The following WWOX variants were observed in gnomAD, a reference collection of about 807,000 sequenced individuals.
WWOX encodes WW domain containing oxidoreductase.
Under a neutral mutation model 46.2 loss-of-function variants are expected in WWOX, and 69 were observed. The ratio of observed to expected loss-of-function variants is 1.49; its 90% confidence interval spans 1.23 to 1.82. The LOEUF (loss-of-function observed/expected upper bound fraction) is 1.82, where lower values mean the gene tolerates loss of function less well. Ranked by LOEUF, WWOX falls within the 40% of genes most tolerant of loss-of-function variation. The probability of loss-of-function intolerance (pLI) is 0.00; values close to 1 mark genes in which losing one functional copy is unlikely to be tolerated. For missense variants in WWOX, 919 were observed against 542.6 expected, an observed-to-expected ratio of 1.69 and a Z score of -6.89; for synonymous variants, 359 against 202.6, an observed-to-expected ratio of 1.77 and a Z score of -6.56.
At chr16:78,781,502 T>C (rs926975411) in intron 8 of WWOX, among the ~76,000 whole-genome samples, 10 of 152,362 alleles carry the variant, frequency 6.6e-5, no homozygotes, top group African/African-American at 1.9e-4. Flanking sequence ...TTACTAGGTA[T>C]AGACATTATG....
At chr16:79,071,766 G>A (rs2048555860) in intron 8 of WWOX, among the ~76,000 whole-genome samples, 1 of 152,228 alleles carries the variant, frequency 6.6e-6, no homozygotes, top group African/African-American at 2.4e-5. Context: ...GCCTAAAAAT[G>A]AGTGGCTCTG....
At chr16:78,796,858 C>A (rs1050828258) in intron 8 of WWOX, among the ~76,000 whole-genome samples, 13 of 148,368 alleles carry the variant, frequency 8.8e-5, no homozygotes, top group African/African-American at 3.0e-4. Context: ...CATAGTCTCA[C>A]TCTGTCACCT....
chr16:78,762,222 A>C (rs376511704), intron 8 of WWOX, among the ~76,000 whole-genome samples: 2 of 152,310 alleles, frequency 1.3e-5, no homozygotes, highest in Non-Finnish European at 2.9e-5. Context: ...CCAAGAGCAT[A>C]CAGCAGCTGT....
intron 8 of WWOX, among the ~76,000 whole-genome samples, chr16:78,965,414 C>CA (rs2046346386): frequency 6.6e-6 from 1 of 151,860 alleles, no homozygotes; most frequent in African/African-American, 2.4e-5. Context: ...ACTGTAAATA[C>CA]AAAAAATTAG....
intron 8 of WWOX, among the ~76,000 whole-genome samples, chr16:78,654,911 A>G (rs2047047783): frequency 1.3e-5 from 2 of 152,102 alleles, no homozygotes; most frequent in South Asian, 2.1e-4. Flanking sequence ...ATGTGTGTGC[A>G]TGAGTATCTT....
intron 8 of WWOX, among the ~76,000 whole-genome samples, chr16:78,832,750 C>G (rs1304170007): frequency 6.6e-6 from 1 of 152,128 alleles, no homozygotes. Flanking sequence ...GTGGAGCATA[C>G]AGGCCAGCAG....
At chr16:79,033,498 C>T (rs556897717) in intron 8 of WWOX, among the ~76,000 whole-genome samples, 8 of 152,102 alleles carry the variant, frequency 5.3e-5, no homozygotes, top group African/African-American at 9.6e-5. Context: ...ACAGCAAAAT[C>T]GAGTGGAAGG....
intron 8 of WWOX, among the ~76,000 whole-genome samples, chr16:78,615,085 C>G (rs749649436): frequency 2.6e-5 from 4 of 152,056 alleles, no homozygotes; most frequent in Non-Finnish European, 4.4e-5. Flanking sequence ...TGGGGACACT[C>G]TAGTGAAATT....
intron 8 of WWOX, among the ~76,000 whole-genome samples, chr16:78,854,951 T>A (rs893952168): frequency 7.2e-5 from 11 of 152,060 alleles, no homozygotes; most frequent in African/African-American, 2.7e-4. Context: ...GGTTATGTGT[T>A]TTATTTTCTT....
At chr16:78,753,063 G>A (rs1239970260) in intron 8 of WWOX, among the ~76,000 whole-genome samples, 1 of 152,202 alleles carries the variant, frequency 6.6e-6, no homozygotes, top group Non-Finnish European at 1.5e-5. Flanking sequence ...GGGAGGCCGA[G>A]GCGGGTGGAT....
intron 8 of WWOX, among the ~76,000 whole-genome samples, chr16:79,067,971 G>GA (rs1567527425): frequency 6.6e-6 from 1 of 152,140 alleles, no homozygotes; most frequent in African/African-American, 2.4e-5. Context: ...TTAGTTTTGA[G>GA]AAAAAAGCCT....
chr16:78,400,972 A>G (rs1482872361), intron 6 of WWOX, among the ~76,000 whole-genome samples: 1 of 152,136 alleles, frequency 6.6e-6, no homozygotes, highest in African/African-American at 2.4e-5. Context: ...ACATGCCTGC[A>G]CCATCATGCC....
In WWOX at chr16:78,481,431, G is replaced by C. The variant is rs184659994; in HGVS notation, c.1056+48679G>C. ...CTGAAATAAAAGGTTTCATAAATGGGGAAAAAAGTCATTGATTGAAAGAGT... is the reference window on the plus strand; with the variant it reads ...CTGAAATAAAAGGTTTCATAAATGGCGAAAAAAGTCATTGATTGAAAGAGT... On this transcript the variant is annotated intron_variant, in intron 8 of 8. Transcript: ENST00000566780. 5.3e-5 allele frequency among the ~76,000 whole-genome samples: 8 copies of C among 152,118 alleles called. No individual in the cohort carries two copies. In the East Asian group the frequency reaches 1.4e-3, roughly 26 times the overall value.
At chr16:78,818,139 G>C (rs2051390837) in intron 8 of WWOX, among the ~76,000 whole-genome samples, 1 of 152,174 alleles carries the variant, frequency 6.6e-6, no homozygotes, top group African/African-American at 2.4e-5. Context: ...CTCGTGATTG[G>C]GTGGGCTGCC....
intron 8 of WWOX, among the ~76,000 whole-genome samples, chr16:78,703,660 AAAAG>A (rs1462828434): frequency 6.6e-6 from 1 of 151,934 alleles, no homozygotes; most frequent in Non-Finnish European, 1.5e-5. Flanking sequence ...TTTTTTTGGA[AAAAG>A]AAAGAATCAC....
chr16:78,136,145 A>C (rs2033782752), intron 4 of WWOX, among the ~76,000 whole-genome samples: 1 of 152,192 alleles, frequency 6.6e-6, no homozygotes, highest in Non-Finnish European at 1.5e-5. Flanking sequence ...CCTTGGCTGA[A>C]ATTCACAATG....
chr16:78,789,669 A>T (rs756825110), intron 8 of WWOX, among the ~76,000 whole-genome samples: 4 of 152,202 alleles, frequency 2.6e-5, no homozygotes, highest in African/African-American at 4.8e-5. Context: ...GATCAATATA[A>T]TTTAAATTTT....
intron 1 of WWOX, among the ~76,000 whole-genome samples, chr16:78,102,396 C>T (rs1384540008): frequency 6.6e-6 from 1 of 152,190 alleles, no homozygotes; most frequent in Admixed American, 6.5e-5. Context: ...TGTGCCTTGC[C>T]GAGAAGCTTG....
intron 8 of WWOX, among the ~76,000 whole-genome samples, chr16:78,493,715 C>T (rs985200432): frequency 4.6e-5 from 7 of 152,032 alleles, no homozygotes; most frequent in Non-Finnish European, 7.4e-5. Flanking sequence ...ATGGAACCCT[C>T]GCAACAGTCT....
Sources: gnomAD v4.1 joint callset for allele counts (sites outside exome capture counted in the v4.1 genomes callset) on GRCh38, gnomAD v4.1.1 for gene constraint, MANE v1.5 for transcripts, NCBI Gene and HGNC (gene_info 2026-07-23, HGNC 2026-07-21) for gene names.